TGM4: variants seen among roughly 807,000 people sequenced by gnomAD.
The protein encoded by TGM4 is protein-glutamine gamma-glutamyltransferase 4.
In TGM4, 61 loss-of-function variants were observed where a neutral mutation model predicts 76.3. The observed-to-expected ratio is 0.80, with a 90% confidence interval of 0.65 to 0.99. The LOEUF is 0.99. Ranked by LOEUF, TGM4 falls within the 50% of genes least tolerant of loss-of-function variation. The pLI, the probability that TGM4 is intolerant of heterozygous loss-of-function variation, is 0.00. For synonymous variants in TGM4, 337 were observed against 329.8 expected (o/e 1.02, Z -0.24); for missense variants, 794 against 843.2 (o/e 0.94, Z 0.72).
chr3:44,878,932 A>G (rs931761316), intron 1 of TGM4, among the ~76,000 whole-genome samples: 5 of 152,142 alleles, frequency 3.3e-5, no homozygotes, highest in Non-Finnish European at 7.4e-5. Context: ...TATATAGTTT[A>G]GCCCTTTTCA....
intron 10 of TGM4, among the ~76,000 whole-genome samples, chr3:44,907,443 AC>A (rs1699940333): frequency 6.6e-6 from 1 of 152,074 alleles, no homozygotes; most frequent in Non-Finnish European, 1.5e-5. Context: ...TGACCATGCC[AC>A]TGCACTCCAG....
intron 3 of TGM4, chr3:44,889,088 G>T (rs1414186704): frequency 6.9e-6 from 1 of 145,648 alleles, no homozygotes; most frequent in Non-Finnish European, 1.5e-5. Context: ...CACAGGAGAG[G>T]TTAAGTAATC....
At chr3:44,881,061 G>A (rs1025051421) in intron 1 of TGM4, among the ~76,000 whole-genome samples, 2 of 146,244 alleles carry the variant, frequency 1.4e-5, no homozygotes, top group African/African-American at 5.3e-5. Context: ...CCACTATGAA[G>A]TGCACTATGG....
chr3:44,879,263 C>CTATATATATATA (rs1392219843), intron 1 of TGM4, among the ~76,000 whole-genome samples: 1 of 96,272 alleles, frequency 1.0e-5, no homozygotes, highest in African/African-American at 3.8e-5. Context: ...CTCTCTCTCT[C>CTATATATATATA]TCTATATATA....
At chr3:44,907,307 T>TA in intron 10 of TGM4, 107 bp downstream of exon 10, 2 of 618,370 alleles carry the variant, frequency 3.2e-6, no homozygotes, top group Non-Finnish European at 4.3e-6. Context: ...ACCCCATCCC[T>TA]ACCAAAAAAA....
chr3:44,890,897 T>C (rs999274523), intron 4 of TGM4, among the ~76,000 whole-genome samples, 165 bp downstream of exon 4: 2 of 152,208 alleles, frequency 1.3e-5, no homozygotes, highest in Non-Finnish European at 2.9e-5. Flanking sequence ...AGCGTTTTCT[T>C]TGTGACCAGG....
intron 10 of TGM4, among the ~76,000 whole-genome samples, chr3:44,909,757 T>C (rs1027082541): frequency 6.6e-6 from 1 of 152,212 alleles, no homozygotes; most frequent in Non-Finnish European, 1.5e-5. Context: ...CTGTTTTTCT[T>C]GAATAAATGC....
intron 6 of TGM4, chr3:44,901,021 T>G (rs967205700): frequency 1.9e-5 from 3 of 157,184 alleles, no homozygotes; most frequent in Non-Finnish European, 4.2e-5. Context: ...GTTGGATTAC[T>G]TGAGCTCAGG....
intron 12 of TGM4, 35 bp downstream of exon 12, chr3:44,911,162 G>T: frequency 6.2e-7 from 1 of 1,611,116 alleles, no homozygotes. Context: ...GGCTCCTTCT[G>T]CCTGGAAGTT....
chr3:44,893,449 C>T (rs746794876), intron 4 of TGM4, 128 bp from the exon 5 acceptor site: 63 of 792,168 alleles, frequency 8.0e-5, no homozygotes, highest in Non-Finnish European at 1.3e-4. Flanking sequence ...CTCCCTCCCC[C>T]AACATTGGGT....
chr3:44,913,577 T>G lies in TGM4; in HGVS notation c.1914-7T>G. 1 of 1,609,918 alleles carries G rather than the reference T, an allele frequency of 6.2e-7. No individual in the cohort carries two copies. Among genetic ancestry groups the G allele is most frequent in the Non-Finnish European group, 8.5e-7 (1 of 1,178,644 alleles). Reference sequence around the variant, plus strand: ...ATTGTATGTCCGTATGTCTTTGAATTTTCCAGGACGGTGCAGCCTGGTGAG... The same window carrying G: ...ATTGTATGTCCGTATGTCTTTGAATGTTCCAGGACGGTGCAGCCTGGTGAG... On this transcript the variant is annotated splice_polypyrimidine_tract_variant and splice_region_variant and intron_variant, in intron 13 of 13. Coordinates refer to ENST00000296125, the MANE Select transcript of TGM4 (RefSeq NM_003241.4).
chr3:44,893,441 C>A (rs1699730569), intron 4 of TGM4, 136 bp from the exon 5 acceptor site: 2 of 754,352 alleles, frequency 2.7e-6, no homozygotes, highest in Non-Finnish European at 4.6e-6. Context: ...CCGCTTACCT[C>A]CCTCCCCCAA....
chr3:44,878,449 T>A (rs979373144), intron 1 of TGM4, among the ~76,000 whole-genome samples: 4 of 75,474 alleles, frequency 5.3e-5, no homozygotes, highest in East Asian at 3.0e-3. Context: ...TTACTTTTGT[T>A]TTATTATTAT....
intron 9 of TGM4, among the ~76,000 whole-genome samples, chr3:44,905,996 C>T (rs950584114): frequency 6.6e-6 from 1 of 152,190 alleles, no homozygotes; most frequent in African/African-American, 2.4e-5. Flanking sequence ...AAGCCCTGTT[C>T]CCTGGCCAGA....
intron 1 of TGM4, among the ~76,000 whole-genome samples, chr3:44,879,237 GTCTCTCTCTCTC>G (rs377695202): frequency 7.6e-5 from 9 of 118,080 alleles, no homozygotes; most frequent in South Asian, 2.8e-4. Flanking sequence ...CTATTTTATG[GTCTCTCTCTCTC>G]TCTCTCTCTC....
intron 1 of TGM4, chr3:44,876,503 G>A (rs1699453617): frequency 6.6e-6 from 1 of 152,232 alleles, no homozygotes; most frequent in Admixed American, 6.5e-5. Context: ...CATATAAATG[G>A]AGGAAATGAG....
At chr3:44,896,912 T>A in intron 6 of TGM4, 96 bp downstream of exon 6, 1 of 944,180 alleles carries the variant, frequency 1.1e-6, no homozygotes, top group Non-Finnish European at 1.7e-6. Context: ...CTCTTTGAAG[T>A]ACACCACTGT....
chr3:44,901,497 C>T (rs1699851715), intron 6 of TGM4, 27 bp from the exon 7 acceptor site: 1 of 1,580,616 alleles, frequency 6.3e-7, no homozygotes, highest in Admixed American at 1.7e-5. Flanking sequence ...GGGGCGGACA[C>T]TGACCCCACC....
intron 9 of TGM4, among the ~76,000 whole-genome samples, chr3:44,906,604 G>T (rs1699924827): frequency 6.6e-6 from 1 of 152,152 alleles, no homozygotes; most frequent in African/African-American, 2.4e-5. Flanking sequence ...GAGCTGAAAT[G>T]CCTTGCACAA....
Sources: allele counts gnomAD v4.1 joint callset (sites outside exome capture counted in the v4.1 genomes callset), GRCh38; gene constraint gnomAD v4.1.1; transcripts MANE v1.5; gene names NCBI Gene and HGNC (gene_info 2026-07-23, HGNC 2026-07-21).